Variants in SBF2 observed in about 807,000 individuals in gnomAD.
SBF2 encodes the protein SET binding factor 2.
A neutral mutation model predicts 225.2 loss-of-function variants in SBF2; 112 were observed. That is an observed-to-expected ratio of 0.50 (90% CI 0.43 to 0.58). SBF2 has a LOEUF of 0.58. Among genes scored for constraint, SBF2 ranks in the 20% least tolerant of loss-of-function variants. The probability of loss-of-function intolerance (pLI) is 0.00; values close to 1 mark genes in which losing one functional copy is unlikely to be tolerated. For missense variants in SBF2, 1,996 were observed against 2,206.2 expected, an observed-to-expected ratio of 0.90 and a Z score of 1.91; for synonymous variants, 763 against 773.3, an observed-to-expected ratio of 0.99 and a Z score of 0.22.
rs147326290 is a variant in SBF2, at chr11:10,091,922, G to A, written c.142-48941C>T. On this transcript the variant is annotated intron_variant, in intron 2 of 39. Transcript: ENST00000256190. ...TTGCTTCCCTGATTTCTCTTACTTG[G>A]AAGAGGCCCAGAAGTTATCAGTACA... 6.6e-5 allele frequency among the ~76,000 whole-genome samples: 10 copies of A among 152,266 alleles called. No individual in the cohort carries two copies. In the East Asian group the frequency reaches 1.7e-3, roughly 26 times the overall value.
intron 2 of SBF2, among the ~76,000 whole-genome samples, chr11:10,119,758 C>A (rs762477324): frequency 6.6e-6 from 1 of 152,146 alleles, no homozygotes; most frequent in Non-Finnish European, 1.5e-5. Flanking sequence ...AAACCACCTA[C>A]CTAATATCTT....
At chr11:9,861,297 G>T (rs1309401630) in intron 17 of SBF2, among the ~76,000 whole-genome samples, 1 of 152,062 alleles carries the variant, frequency 6.6e-6, no homozygotes, top group African/African-American at 2.4e-5. Flanking sequence ...TGGGCTTAAG[G>T]GATTCTCCCG....
At chr11:10,211,791 T>C (rs778864451) in intron 1 of SBF2, among the ~76,000 whole-genome samples, 1 of 152,170 alleles carries the variant, frequency 6.6e-6, no homozygotes. Flanking sequence ...CTCGGTTAAT[T>C]AGATTCAGTA....
intron 36 of SBF2, among the ~76,000 whole-genome samples, chr11:9,786,145 G>A (rs1046963960): frequency 2.0e-5 from 3 of 152,190 alleles, no homozygotes; most frequent in Non-Finnish European, 4.4e-5. Context: ...ACAGGCATGA[G>A]CCACTGCGCC....
intron 2 of SBF2, among the ~76,000 whole-genome samples, chr11:10,069,306 TCCCCTC>T (rs1950760373): frequency 8.2e-6 from 1 of 121,676 alleles, no homozygotes; most frequent in Non-Finnish European, 1.9e-5. Context: ...AATGCTATCC[TCCCCTC>T]CCCCCACCCC....
intron 16 of SBF2, among the ~76,000 whole-genome samples, chr11:9,930,213 T>TA: frequency 6.6e-6 from 1 of 152,336 alleles, no homozygotes; most frequent in East Asian, 1.9e-4. Context: ...TATAATGATT[T>TA]AAAATTCATG....
intron 2 of SBF2, among the ~76,000 whole-genome samples, chr11:10,174,174 G>A (rs138477915): frequency 0.059 from 9,050 of 152,216 alleles, 330 homozygotes; most frequent in Middle Eastern, 0.15. Flanking sequence ...TGACTTTGAC[G>A]AGCTGAGACA....
intron 1 of SBF2, among the ~76,000 whole-genome samples, chr11:10,249,765 GA>G (rs1960175564): frequency 8.9e-6 from 1 of 111,788 alleles, no homozygotes; most frequent in Admixed American, 8.6e-5. Flanking sequence ...TGCTATGGGG[GA>G]GTCCATAGCA....
intron 28 of SBF2, among the ~76,000 whole-genome samples, chr11:9,826,957 C>T (rs1283412117): frequency 6.6e-6 from 1 of 152,022 alleles, no homozygotes; most frequent in Non-Finnish European, 1.5e-5. Flanking sequence ...CCTGTCTCAG[C>T]CTCCTGAGTA....
chr11:9,882,687 A>G (rs569484289), intron 17 of SBF2, among the ~76,000 whole-genome samples: 8 of 150,650 alleles, frequency 5.3e-5, no homozygotes, highest in Non-Finnish European at 7.4e-5. Flanking sequence ...GGCGCCTGTA[A>G]TCCCAGCTAC....
intron 28 of SBF2, among the ~76,000 whole-genome samples, chr11:9,820,400 C>A (rs574504523): frequency 1.3e-5 from 2 of 152,172 alleles, no homozygotes; most frequent in Admixed American, 1.3e-4. Flanking sequence ...CAAGATGGAA[C>A]GAAGGCTTGG....
chr11:9,925,199 C>G (rs1255407984), intron 16 of SBF2, among the ~76,000 whole-genome samples: 1 of 152,022 alleles, frequency 6.6e-6, no homozygotes, highest in East Asian at 1.9e-4. Context: ...TAAAAGGAAA[C>G]AGGTAAAATT....
rs360124 is a variant in SBF2, at chr11:9,780,681, G to C, written c.5452-165C>G. 596,917 of 682,716 alleles carry C rather than the reference G, an allele frequency of 0.87. 262,678 individuals are homozygous for C. Among genetic ancestry groups the C allele is most frequent in the Non-Finnish European group, 0.9 (340,047 of 376,226 alleles). The allele number at this position is 682,716 out of a possible 1,614,324, so 42.3% of individuals were successfully genotyped here. A position where few individuals can be genotyped will look rare whatever the true frequency, so the allele number is the denominator to read the frequency against. On this transcript the variant is annotated intron_variant, in intron 39 of 39. Transcript: ENST00000256190. ...CCATACTGTTATTGCCTTTACTTTT[G>C]TGGTCTCTAGAGTCATAGGGGATGT... is the stretch of plus-strand genomic sequence containing the variant.
At chr11:9,920,223 C>T (rs1863506984) in intron 16 of SBF2, among the ~76,000 whole-genome samples, 1 of 150,522 alleles carries the variant, frequency 6.6e-6, no homozygotes, top group Admixed American at 6.6e-5. Flanking sequence ...TATATATACA[C>T]ACACATATAT....
chr11:9,908,780 C>T (rs1269550001), intron 16 of SBF2, among the ~76,000 whole-genome samples: 1 of 151,970 alleles, frequency 6.6e-6, no homozygotes, highest in Non-Finnish European at 1.5e-5. Flanking sequence ...TCACTGTAGC[C>T]TTGACCTCCC....
chr11:9,997,974 GC>G (rs1193242313), intron 9 of SBF2, among the ~76,000 whole-genome samples: 1 of 152,198 alleles, frequency 6.6e-6, no homozygotes, highest in Non-Finnish European at 1.5e-5. Flanking sequence ...TCAAGGCAGA[GC>G]CTTGTTTTCA....
chr11:9,784,439 C>A lies in SBF2; in HGVS notation c.5232-1G>T. On this transcript the variant is annotated splice_acceptor_variant, in intron 37 of 39. Coordinates refer to ENST00000256190, the MANE Select transcript of SBF2 (RefSeq NM_030962.4). LOFTEE classifies it high-confidence loss of function. ...TTTATAAAGTGTTCCCTCAAAGGACCTAGAAGAAATGATGACAGGAGAGTT... is the reference window on the plus strand; with the variant it reads ...TTTATAAAGTGTTCCCTCAAAGGACATAGAAGAAATGATGACAGGAGAGTT... 1 of 1,610,622 alleles carries A rather than the reference C, an allele frequency of 6.2e-7. No homozygotes were observed. The highest frequency in any genetic ancestry group is 1.1e-5 in the South Asian group (1 of 90,990).
At chr11:10,293,768 C>A (rs1227695504) in intron 1 of SBF2, among the ~76,000 whole-genome samples, 1 of 152,202 alleles carries the variant, frequency 6.6e-6, no homozygotes, top group African/African-American at 2.4e-5. Context: ...GCCTCCGGCC[C>A]GCCCAGCGGG....
intron 2 of SBF2, among the ~76,000 whole-genome samples, chr11:10,181,826 A>G (rs1285922993): frequency 1.3e-5 from 2 of 152,196 alleles, no homozygotes; most frequent in Admixed American, 6.5e-5. Flanking sequence ...AGATACAGCC[A>G]TATCATTGAT....
Sources: gnomAD v4.1 joint callset for allele counts (sites outside exome capture counted in the v4.1 genomes callset) on GRCh38, gnomAD v4.1.1 for gene constraint, MANE v1.5 for transcripts, NCBI Gene and HGNC (gene_info 2026-07-23, HGNC 2026-07-21) for gene names.